PCBD2: variants seen among roughly 807,000 people sequenced by gnomAD.
PCBD2 encodes the protein pterin-4-alpha-carbinolamine dehydratase 2.
A neutral mutation model predicts 16.4 loss-of-function variants in PCBD2; 12 were observed. That is an observed-to-expected ratio of 0.73 (90% CI 0.47 to 1.19). The LOEUF (loss-of-function observed/expected upper bound fraction) is 1.19. PCBD2 is among the 50% of genes most tolerant of loss of function. The pLI is 0.00. For synonymous variants in PCBD2, 58 were observed against 61.8 expected, an observed-to-expected ratio of 0.94 and a Z score of 0.29; for missense variants, 138 against 156.8, an observed-to-expected ratio of 0.88 and a Z score of 0.64.
At chr5:134,956,490 T>G (rs1030636740) in intron 2 of PCBD2, among the ~76,000 whole-genome samples, 2 of 152,204 alleles carry the variant, frequency 1.3e-5, no homozygotes, top group African/African-American at 2.4e-5. Flanking sequence ...TAATGGGAAA[T>G]GGCAAGGAAT....
chr5:134,947,724 A>G (rs1389470601), intron 2 of PCBD2, among the ~76,000 whole-genome samples: 5 of 152,076 alleles, frequency 3.3e-5, no homozygotes, highest in African/African-American at 1.2e-4. Flanking sequence ...TTGGGCAGGT[A>G]CTTTGTGTAT....
At chr5:134,953,711 G>C (rs1435680756) in intron 2 of PCBD2, among the ~76,000 whole-genome samples, 1 of 152,148 alleles carries the variant, frequency 6.6e-6, no homozygotes, top group South Asian at 2.1e-4. Context: ...TGAGGCAGGA[G>C]AATTGCTTGA....
chr5:134,945,811 C>G (rs988359513), intron 2 of PCBD2, among the ~76,000 whole-genome samples: 92 of 152,250 alleles, frequency 6.0e-4, no homozygotes, highest in Non-Finnish European at 1.1e-3. Context: ...TTTTGTGAGA[C>G]CTCCTCACAC....
chr5:134,905,472 A>T (rs1199569095), intron 1 of PCBD2: 2 of 356,758 alleles, frequency 5.6e-6, no homozygotes, highest in Non-Finnish European at 1.0e-5. Flanking sequence ...CGAACTTGCC[A>T]ACCGGAAACA....
At position 134,950,278 on chromosome 5, in the gene PCBD2, T is replaced by C. The variant is rs145676380; in HGVS notation, c.217-8762T>C. On this transcript the variant is annotated intron_variant, in intron 2 of 3. Coordinates refer to ENST00000254908, the MANE Select transcript of PCBD2 (RefSeq NM_032151.5). ...TGGTGCTCATTTTCTTAGTGGGAGA[T>C]ATGTTCTTTTTTAGTGCATAATTAA... Among the ~76,000 whole-genome samples the C allele has an allele frequency of 2.0e-5, 3 of 152,294 alleles. No homozygotes were observed. The East Asian group carries it at 5.8e-4, about 29-fold the overall frequency.
intron 2 of PCBD2, among the ~76,000 whole-genome samples, chr5:134,937,377 T>C (rs1751172131): frequency 6.6e-6 from 1 of 152,230 alleles, no homozygotes; most frequent in Non-Finnish European, 1.5e-5. Flanking sequence ...ATGAATTTTA[T>C]TTGAGAAATC....
intron 2 of PCBD2, among the ~76,000 whole-genome samples, chr5:134,951,352 T>G (rs1171366947): frequency 6.6e-6 from 1 of 152,208 alleles, no homozygotes; most frequent in Non-Finnish European, 1.5e-5. Context: ...ATAAATGGTT[T>G]CCTTGTTCTG....
At chr5:134,937,043 G>T (rs1032738645) in intron 2 of PCBD2, among the ~76,000 whole-genome samples, 2 of 152,118 alleles carry the variant, frequency 1.3e-5, no homozygotes, top group African/African-American at 4.8e-5. Context: ...TGACTTAAAA[G>T]GCAATGTTTA....
At chr5:134,912,523 GCAACT>G (rs1047154409) in intron 2 of PCBD2, among the ~76,000 whole-genome samples, 48 of 152,330 alleles carry the variant, frequency 3.2e-4, no homozygotes, top group Admixed American at 2.8e-3. Context: ...CAGGAAATGG[GCAACT>G]CTGTCATTTG....
intron 2 of PCBD2, among the ~76,000 whole-genome samples, chr5:134,932,674 G>A (rs973051895): frequency 2.6e-5 from 4 of 151,234 alleles, no homozygotes; most frequent in Non-Finnish European, 5.9e-5. Context: ...TGTGGAGATG[G>A]GATCTCACTA....
chr5:134,952,828 A>G lies in PCBD2; in HGVS notation c.217-6212A>G, dbSNP rs79764930. ...CTCTTAAAAAAAAAAAAAAAAGTTA[A>G]TTAAAGTCTCCAACTATAAATGTTT... On this transcript the variant is annotated intron_variant, in intron 2 of 3. Transcript: ENST00000254908. Among the ~76,000 whole-genome samples, 509 of 152,038 alleles carry G rather than the reference A, an allele frequency of 3.3e-3. 8 individuals carry two copies. In the East Asian group the frequency reaches 0.037, roughly 11 times the overall value.
At chr5:134,945,139 A>C (rs1751276565) in intron 2 of PCBD2, among the ~76,000 whole-genome samples, 1 of 152,216 alleles carries the variant, frequency 6.6e-6, no homozygotes, top group Non-Finnish European at 1.5e-5. Flanking sequence ...GTAAAAACAA[A>C]AGGGAAGAAT....
intron 2 of PCBD2, chr5:134,924,060 G>A (rs543269958): frequency 5.3e-5 from 21 of 396,712 alleles, no homozygotes; most frequent in African/African-American, 3.9e-4. Flanking sequence ...TAGTGTTCTT[G>A]TAGTTGAAAT....
At chr5:134,911,868 G>A (rs1380990459) in intron 2 of PCBD2, among the ~76,000 whole-genome samples, 1 of 152,236 alleles carries the variant, frequency 6.6e-6, no homozygotes, top group Non-Finnish European at 1.5e-5. Context: ...TGTGGCTGGT[G>A]GCAGGGAATC....
intron 2 of PCBD2, among the ~76,000 whole-genome samples, chr5:134,936,851 A>G (rs749030161): frequency 3.3e-5 from 5 of 152,186 alleles, no homozygotes; most frequent in Non-Finnish European, 5.9e-5. Context: ...AGGGAGAAGC[A>G]TTATTTCTCT....
In PCBD2 at chr5:134,958,995, G is replaced by A. The variant is rs371493762; in HGVS notation, c.217-45G>A. 4.7e-4 allele frequency: 701 copies of A among 1,479,456 alleles called. 1 individual carries two copies. Among genetic ancestry groups the A allele is most frequent in the Non-Finnish European group, 5.6e-4 (592 of 1,059,404 alleles). The allele number at this position is 1,479,456 out of a possible 1,614,324, so 91.6% of individuals were successfully genotyped here. ...CTCTGTTGTGTCTCTCAGGCTTAGGGTAGAGGACAATGTCAGTAATTACTC... is the reference window on the plus strand; with the variant it reads ...CTCTGTTGTGTCTCTCAGGCTTAGGATAGAGGACAATGTCAGTAATTACTC... On this transcript the variant is annotated intron_variant, in intron 2 of 3. Coordinates refer to ENST00000254908, the MANE Select transcript of PCBD2 (RefSeq NM_032151.5).
rs150967980 is a variant in PCBD2, at chr5:134,928,670, T to C, written c.216+18204T>C. Reference sequence around the variant, plus strand: ...TAACGTGGTGAAACCCCGTCTCTACTAAAAATACAAAAAAATTAGCCAGGC... The same window carrying C: ...TAACGTGGTGAAACCCCGTCTCTACCAAAAATACAAAAAAATTAGCCAGGC... On this transcript the variant is annotated intron_variant, in intron 2 of 3. Coordinates refer to ENST00000254908, the MANE Select transcript of PCBD2 (RefSeq NM_032151.5). The C allele has an allele frequency of 4.1e-4, 66 of 161,228 alleles. No homozygotes were observed. In the East Asian group the frequency reaches 0.011, roughly 26 times the overall value. The allele number at this position is 161,228 out of a possible 1,614,324, so 10.0% of individuals were successfully genotyped here.
At chr5:134,916,571 C>T (rs1463965742) in intron 2 of PCBD2, among the ~76,000 whole-genome samples, 1 of 152,186 alleles carries the variant, frequency 6.6e-6, no homozygotes, top group South Asian at 2.1e-4. Context: ...TTTCTTGAAG[C>T]TTTGAGTTAT....
Position 134,935,987 on chromosome 5 carries a change from C to T in PCBD2, c.217-23053C>T, listed in dbSNP as rs78857237. ...CCTGGGTCTCACTAAGGAAGTGGAA[C>T]GGCAGCCAAGAATTATTATGCTGAA... On this transcript the variant is annotated intron_variant, in intron 2 of 3. Coordinates refer to ENST00000254908, the MANE Select transcript of PCBD2 (RefSeq NM_032151.5). Among the ~76,000 whole-genome samples, 527 of 152,116 alleles carry T rather than the reference C, an allele frequency of 3.5e-3. 8 individuals carry two copies. In the East Asian group the frequency reaches 0.037, roughly 11 times the overall value.
Sources: allele counts gnomAD v4.1 joint callset (sites outside exome capture counted in the v4.1 genomes callset), GRCh38; gene constraint gnomAD v4.1.1; transcripts MANE v1.5; gene names NCBI Gene and HGNC (gene_info 2026-07-23, HGNC 2026-07-21).